UTRN: variants seen among roughly 807,000 people sequenced by gnomAD.
The protein encoded by UTRN is dystrophin-related protein 1.
Under a neutral mutation model 463.9 loss-of-function variants are expected in UTRN, and 283 were observed. The ratio of observed to expected loss-of-function variants is 0.61; its 90% CI spans 0.55 to 0.67. The LOEUF is 0.67. Among genes scored for constraint, UTRN ranks in the 30% least tolerant of loss-of-function variants. The pLI, the probability that UTRN is intolerant of heterozygous loss-of-function variation, is 0.00. For synonymous variants in UTRN, 1,442 were observed against 1,431.5 expected (o/e 1.01, Z -0.17); for missense variants, 3,922 against 4,084.3 (o/e 0.96, Z 1.08).
intron 51 of UTRN, among the ~76,000 whole-genome samples, chr6:144,634,506 C>T (rs946292187): frequency 2.0e-5 from 3 of 152,118 alleles, no homozygotes; most frequent in African/African-American, 4.8e-5. Flanking sequence ...TTAAGATTAA[C>T]GGAGACAATA....
intron 50 of UTRN, among the ~76,000 whole-genome samples, chr6:144,570,190 G>T (rs1339187419): frequency 6.6e-6 from 1 of 152,100 alleles, no homozygotes; most frequent in Non-Finnish European, 1.5e-5. Flanking sequence ...GGTCTGGATG[G>T]TCAGTAGAAG....
intron 2 of UTRN, among the ~76,000 whole-genome samples, chr6:144,371,373 AC>A (rs1023705606): frequency 2.6e-5 from 4 of 152,166 alleles, no homozygotes; most frequent in African/African-American, 7.2e-5. Flanking sequence ...CTACAGACAT[AC>A]TAAAGTTCTT....
chr6:144,559,317 A>C (rs1172575478), intron 50 of UTRN, among the ~76,000 whole-genome samples: 3 of 152,080 alleles, frequency 2.0e-5, no homozygotes, highest in Non-Finnish European at 2.9e-5. Context: ...GGGGGGTGGA[A>C]ATAAGTAATT....
At chr6:144,768,459 A>G (rs1001720793) in intron 58 of UTRN, among the ~76,000 whole-genome samples, 4 of 152,170 alleles carry the variant, frequency 2.6e-5, no homozygotes, top group African/African-American at 4.8e-5. Flanking sequence ...CTTGAAGGAT[A>G]GTTTTCAAAA....
intron 1 of UTRN, 115 bp downstream of exon 1, chr6:144,285,936 G>C (rs899670492): frequency 6.6e-6 from 1 of 152,326 alleles, no homozygotes; most frequent in Non-Finnish European, 1.5e-5. Flanking sequence ...GCCTGGGATC[G>C]GCGTCCCGAG....
intron 51 of UTRN, among the ~76,000 whole-genome samples, chr6:144,610,379 G>A (rs747837848): frequency 1.3e-5 from 2 of 152,090 alleles, no homozygotes; most frequent in Non-Finnish European, 2.9e-5. Context: ...TGAAGAAGGA[G>A]AAAACCTGAA....
chr6:144,723,808 C>T (rs1562819339), intron 53 of UTRN, among the ~76,000 whole-genome samples: 1 of 151,640 alleles, frequency 6.6e-6, no homozygotes, highest in Non-Finnish European at 1.5e-5. Context: ...TCAAAACCAC[C>T]CTGGGCAACA....
intron 50 of UTRN, among the ~76,000 whole-genome samples, chr6:144,569,211 TCA>T (rs879599096): frequency 6.6e-5 from 10 of 152,032 alleles, no homozygotes; most frequent in Middle Eastern, 6.8e-3. Flanking sequence ...ATTTCAAAAA[TCA>T]GAATATAAAA....
chr6:144,709,877 A>G (rs1466670754), intron 53 of UTRN, among the ~76,000 whole-genome samples: 1 of 152,202 alleles, frequency 6.6e-6, no homozygotes, highest in East Asian at 1.9e-4. Flanking sequence ...CTAGTCCTTT[A>G]TATGTACATA....
intron 2 of UTRN, among the ~76,000 whole-genome samples, chr6:144,352,076 C>G (rs377753431): frequency 2.0e-5 from 3 of 152,172 alleles, no homozygotes; most frequent in Non-Finnish European, 2.9e-5. Context: ...TTGGCCATTA[C>G]TCTCTTTCTG....
At chr6:144,825,046 A>C (rs1159782558) in intron 66 of UTRN, among the ~76,000 whole-genome samples, 1 of 151,956 alleles carries the variant, frequency 6.6e-6, no homozygotes, top group East Asian at 1.9e-4. Flanking sequence ...AGCCTCCCAA[A>C]GTGCTGAGAT....
At chr6:144,698,390 T>C (rs1784231906) in intron 52 of UTRN, among the ~76,000 whole-genome samples, 1 of 152,228 alleles carries the variant, frequency 6.6e-6, no homozygotes, top group African/African-American at 2.4e-5. Flanking sequence ...TCTCAGAGAT[T>C]TACAAAATGC....
intron 54 of UTRN, among the ~76,000 whole-genome samples, chr6:144,745,445 C>CA (rs772196105): frequency 3.9e-5 from 6 of 152,096 alleles, no homozygotes; most frequent in African/African-American, 7.2e-5. Flanking sequence ...TTAAAGTATG[C>CA]ATTCAGCTGA....
rs1534441 is a variant in UTRN, at chr6:144,622,864, T to A, written c.7479+45576T>A. Among the ~76,000 whole-genome samples, 390 of 152,362 alleles carry A rather than the reference T, an allele frequency of 2.6e-3. 13 individuals carry two copies. The East Asian group carries it at 0.061, about 24-fold the overall frequency. On this transcript the variant is annotated intron_variant, in intron 51 of 74. Coordinates refer to ENST00000367545, the MANE Select transcript of UTRN (RefSeq NM_007124.3). Reference sequence around the variant, plus strand: ...CGTATTGGACAATGATTGTTGCAGATGATACCTGTTTCATTCTGGATCACC... The same window carrying A: ...CGTATTGGACAATGATTGTTGCAGAAGATACCTGTTTCATTCTGGATCACC...
At chr6:144,676,978 C>T (rs1781677382) in intron 51 of UTRN, among the ~76,000 whole-genome samples, 1 of 152,146 alleles carries the variant, frequency 6.6e-6, no homozygotes, top group Non-Finnish European at 1.5e-5. Context: ...TTGGCAACAA[C>T]AGTTGTATAA....
intron 60 of UTRN, among the ~76,000 whole-genome samples, chr6:144,779,670 T>A (rs942635837): frequency 6.6e-6 from 1 of 152,100 alleles, no homozygotes; most frequent in Non-Finnish European, 1.5e-5. Context: ...GCACGTTCAG[T>A]GCTTAACTTT....
intron 52 of UTRN, 121 bp downstream of exon 52, chr6:144,678,699 T>G: frequency 7.4e-6 from 7 of 949,142 alleles, no homozygotes; most frequent in Non-Finnish European, 1.1e-5. Flanking sequence ...CAGAAATAGT[T>G]TAAGATTTTA....
chr6:144,517,530 G>A (rs1795731506), intron 39 of UTRN, among the ~76,000 whole-genome samples: 1 of 151,926 alleles, frequency 6.6e-6, no homozygotes, highest in East Asian at 1.9e-4. Context: ...AATCTTTCTA[G>A]CTGCATTTTA....
chr6:144,442,815 T>G (rs923349133), intron 13 of UTRN, among the ~76,000 whole-genome samples: 2 of 152,162 alleles, frequency 1.3e-5, no homozygotes, highest in Non-Finnish European at 2.9e-5. Flanking sequence ...GCAAACCATA[T>G]CACACAGGAG....
Sources: gnomAD v4.1 joint callset for allele counts (sites outside exome capture counted in the v4.1 genomes callset) on GRCh38, gnomAD v4.1.1 for gene constraint, MANE v1.5 for transcripts, NCBI Gene and HGNC (gene_info 2026-07-23, HGNC 2026-07-21) for gene names.